The following IMMP2L variants were observed in gnomAD, a reference collection of about 807,000 sequenced individuals.
IMMP2L encodes the protein inner mitochondrial membrane peptidase subunit 2.
A neutral mutation model predicts 19.3 loss-of-function variants in IMMP2L; 18 were observed. That is an observed-to-expected ratio of 0.93 (90% CI 0.64 to 1.38). The LOEUF is 1.38. IMMP2L is among the 40% of genes most tolerant of loss of function. The probability of loss-of-function intolerance (pLI) is 0.00; values close to 1 mark genes in which losing one functional copy is unlikely to be tolerated. For missense variants in IMMP2L, 233 were observed against 218.2 expected (o/e 1.07, Z -0.43); for synonymous variants, 76 against 73.0 (o/e 1.04, Z -0.21).
intron 3 of IMMP2L, among the ~76,000 whole-genome samples, chr7:110,994,461 A>G (rs193202313): frequency 1.3e-5 from 2 of 152,290 alleles, no homozygotes; most frequent in Admixed American, 6.5e-5. Flanking sequence ...ATGGGCTATA[A>G]GCAGAACCCA....
intron 5 of IMMP2L, among the ~76,000 whole-genome samples, chr7:110,748,807 C>T (rs1018918509): frequency 6.6e-6 from 1 of 152,172 alleles, no homozygotes; most frequent in Non-Finnish European, 1.5e-5. Flanking sequence ...TAGAAGAAAA[C>T]CTAGCCAATA....
At chr7:111,062,130 G>C (rs75565313) in intron 3 of IMMP2L, among the ~76,000 whole-genome samples, 2,639 of 152,138 alleles carry the variant, frequency 0.017, 89 homozygotes, top group African/African-American at 0.061. Flanking sequence ...TCATGCTGCT[G>C]GTAAAGACAC....
At chr7:111,467,349 A>T (rs1840770697) in intron 3 of IMMP2L, among the ~76,000 whole-genome samples, 2 of 152,202 alleles carry the variant, frequency 1.3e-5, no homozygotes, top group Admixed American at 6.5e-5. Context: ...TAGTTCTAAA[A>T]TTTCCAATTC....
Position 110,866,939 on chromosome 7 carries a change from C to A in IMMP2L, c.408+19654G>T, listed in dbSNP as rs551667189. On this transcript the variant is annotated intron_variant, in intron 5 of 5. Coordinates refer to ENST00000405709, the MANE Select transcript of IMMP2L (RefSeq NM_032549.4). ...TAATTACCAATTGCAAACACAGTGG[C>A]AGATTTTCACGTACAAAAAATATAT... Among the ~76,000 whole-genome samples the A allele has an allele frequency of 1.6e-4, 24 of 152,188 alleles. No homozygotes were observed. The South Asian group carries it at 5.0e-3, about 32-fold the overall frequency.
chr7:110,718,245 T>A (rs1216130129), intron 5 of IMMP2L, among the ~76,000 whole-genome samples: 1 of 152,184 alleles, frequency 6.6e-6, no homozygotes, highest in African/African-American at 2.4e-5. Flanking sequence ...GGTGTAAAAG[T>A]AGAAAGTTTG....
intron 5 of IMMP2L, among the ~76,000 whole-genome samples, chr7:110,866,509 T>C (rs962865692): frequency 2.0e-5 from 3 of 151,904 alleles, no homozygotes; most frequent in Non-Finnish European, 2.9e-5. Context: ...CTTCCCTCTA[T>C]TGCTTCACTC....
intron 3 of IMMP2L, among the ~76,000 whole-genome samples, chr7:111,279,217 T>C (rs1238700717): frequency 6.6e-6 from 1 of 152,160 alleles, no homozygotes; most frequent in Non-Finnish European, 1.5e-5. Flanking sequence ...AACAGAAGAA[T>C]AAAAGCAAAG....
intron 3 of IMMP2L, among the ~76,000 whole-genome samples, chr7:111,328,801 A>G (rs1296477876): frequency 6.6e-6 from 1 of 151,884 alleles, no homozygotes; most frequent in Non-Finnish European, 1.5e-5. Context: ...TGAAACTTCA[A>G]CGTGCCCTTG....
At chr7:111,300,486 T>G (rs999199661) in intron 3 of IMMP2L, among the ~76,000 whole-genome samples, 7 of 152,154 alleles carry the variant, frequency 4.6e-5, no homozygotes, top group Admixed American at 4.6e-4. Flanking sequence ...GTCATAGTAG[T>G]GACATCTTGC....
intron 3 of IMMP2L, among the ~76,000 whole-genome samples, chr7:111,322,524 C>A (rs149141639): frequency 6.6e-6 from 1 of 150,764 alleles, no homozygotes; most frequent in African/African-American, 2.4e-5. Flanking sequence ...AAGTTTGAAA[C>A]AATGGTAGAG....
intron 3 of IMMP2L, among the ~76,000 whole-genome samples, chr7:110,996,684 T>A (rs1823068908): frequency 6.6e-6 from 1 of 152,036 alleles, no homozygotes; most frequent in Non-Finnish European, 1.5e-5. Flanking sequence ...CTTTTCTTAT[T>A]TTTTTTCAAC....
chr7:110,669,089 G>GAGAGAGAGAGAGAGAGAGAGAGAGAGAGA (rs1791698134), intron 5 of IMMP2L, among the ~76,000 whole-genome samples: 1 of 139,896 alleles, frequency 7.1e-6, no homozygotes, highest in African/African-American at 2.7e-5. Flanking sequence ...GTGTGTGTGT[G>GAGAGAGAGAGAGAGAGAGAGAGAGAGAGA]TATATGTATA....
intron 3 of IMMP2L, among the ~76,000 whole-genome samples, chr7:110,973,837 T>C (rs1052415501): frequency 5.3e-5 from 8 of 152,142 alleles, no homozygotes; most frequent in Admixed American, 4.6e-4. Flanking sequence ...ATGCTCTTTG[T>C]GAGTTGTACA....
intron 3 of IMMP2L, among the ~76,000 whole-genome samples, chr7:111,042,555 A>T (rs528267741): frequency 6.6e-6 from 1 of 152,328 alleles, no homozygotes; most frequent in South Asian, 2.1e-4. Flanking sequence ...ATAAACAACA[A>T]GCTCAAGCTC....
At chr7:111,189,062 A>C (rs950685677) in intron 3 of IMMP2L, among the ~76,000 whole-genome samples, 1 of 152,154 alleles carries the variant, frequency 6.6e-6, no homozygotes, top group African/African-American at 2.4e-5. Flanking sequence ...CCTCAAGTGC[A>C]AACTGGAGTA....
At chr7:111,003,819 C>T (rs145457566) in intron 3 of IMMP2L, among the ~76,000 whole-genome samples, 1,970 of 152,160 alleles carry the variant, frequency 0.013, 14 homozygotes, top group Non-Finnish European at 0.018. Flanking sequence ...GCTGATTTAA[C>T]GTCATTAATT....
At chr7:111,167,897 T>A (rs1168794630) in intron 3 of IMMP2L, among the ~76,000 whole-genome samples, 1 of 151,986 alleles carries the variant, frequency 6.6e-6, no homozygotes, top group Non-Finnish European at 1.5e-5. Context: ...ACCGGAATAA[T>A]ACCTTTTCCA....
intron 3 of IMMP2L, among the ~76,000 whole-genome samples, chr7:111,446,197 A>C (rs1838386514): frequency 6.6e-6 from 1 of 152,206 alleles, no homozygotes; most frequent in African/African-American, 2.4e-5. Flanking sequence ...AACTGGGTGG[A>C]GCCCGCCACA....
intron 3 of IMMP2L, among the ~76,000 whole-genome samples, chr7:111,315,265 T>C (rs568064525): frequency 1.2e-3 from 179 of 152,076 alleles, no homozygotes; most frequent in Non-Finnish European, 2.0e-3. Context: ...CAGAGAGAAG[T>C]CCAAATAACA....
Sources: allele counts gnomAD v4.1 joint callset (sites outside exome capture counted in the v4.1 genomes callset), GRCh38; gene constraint gnomAD v4.1.1; transcripts MANE v1.5; gene names NCBI Gene and HGNC (gene_info 2026-07-23, HGNC 2026-07-21).